ADAMTS9: variants seen among roughly 807,000 people sequenced by gnomAD.
The protein encoded by ADAMTS9 is A disintegrin and metalloproteinase with thrombospondin motifs 9.
ADAMTS9 carries 107 observed loss-of-function variants against 257.1 expected under a neutral mutation model. The observed-to-expected ratio is 0.42, with a 90% CI of 0.36 to 0.49. The LOEUF (loss-of-function observed/expected upper bound fraction) is 0.49, where lower values mean the gene tolerates loss of function less well. ADAMTS9 is among the 20% of genes least tolerant of loss of function. ADAMTS9 has a pLI of 0.03. For missense variants in ADAMTS9, 2,353 were observed against 2,469.1 expected, an observed-to-expected ratio of 0.95 and a Z score of 1.00; for synonymous variants, 982 against 880.9, an observed-to-expected ratio of 1.11 and a Z score of -2.03.
chr3:64,666,693 C>T (rs1701360504), intron 3 of ADAMTS9, among the ~76,000 whole-genome samples: 1 of 152,196 alleles, frequency 6.6e-6, no homozygotes, highest in South Asian at 2.1e-4. Flanking sequence ...AGAGATAATA[C>T]ATAAAATGCC....
intron 28 of ADAMTS9, among the ~76,000 whole-genome samples, chr3:64,580,617 C>T (rs1181462981): frequency 1.3e-5 from 2 of 152,110 alleles, no homozygotes; most frequent in Non-Finnish European, 2.9e-5. Context: ...AAGCTCTGGC[C>T]TGAGGTTGCT....
intron 37 of ADAMTS9, among the ~76,000 whole-genome samples, chr3:64,535,552 C>CTTTTTTTTTT (rs57945713): frequency 1.2e-4 from 10 of 84,646 alleles, no homozygotes; most frequent in South Asian, 4.5e-4. Context: ...CTTTTCTTTT[C>CTTTTTTTTTT]TTTTTTTTTT....
chr3:64,542,258 G>C (rs1366843746), intron 32 of ADAMTS9, among the ~76,000 whole-genome samples: 2 of 151,680 alleles, frequency 1.3e-5, no homozygotes, highest in Non-Finnish European at 2.9e-5. Flanking sequence ...TTTCATTTAA[G>C]CCTCACAGTA....
intron 12 of ADAMTS9, among the ~76,000 whole-genome samples, chr3:64,634,424 GT>G (rs1700443482): frequency 6.6e-6 from 1 of 151,932 alleles, no homozygotes; most frequent in Non-Finnish European, 1.5e-5. Flanking sequence ...TTGCTTTTTT[GT>G]TTCACAAATA....
In ADAMTS9 at chr3:64,522,264, C is replaced by T. The variant is rs1267977212; in HGVS notation, c.5719-4G>A. On this transcript the variant is annotated splice_region_variant and splice_polypyrimidine_tract_variant and intron_variant, in intron 38 of 39. Transcript: ENST00000498707. ...TCCCTACGACTCGGGTACCATCCTG[C>T]AAGGAGATGCATCATGTTAGCCTGC... 6.2e-7 allele frequency: 1 copy of T among 1,613,464 alleles called. No individual in the cohort carries two copies. Among genetic ancestry groups the T allele is most frequent in the African/African-American group, 1.3e-5 (1 of 74,906 alleles).
chr3:64,650,452 G>A (rs9851598), intron 9 of ADAMTS9: 45,061 of 152,772 alleles, frequency 0.29, 6,744 homozygotes, highest in Admixed American at 0.31. Context: ...GGATCTTTGA[G>A]CAGCCTAGCA....
intron 38 of ADAMTS9, among the ~76,000 whole-genome samples, chr3:64,525,755 T>C (rs2082901985): frequency 6.6e-6 from 1 of 151,652 alleles, no homozygotes; most frequent in Admixed American, 6.6e-5. Flanking sequence ...GGACCACAGG[T>C]GTGCACTACC....
chr3:64,528,453 C>A (rs959872857), intron 38 of ADAMTS9, among the ~76,000 whole-genome samples: 3 of 152,152 alleles, frequency 2.0e-5, no homozygotes, highest in African/African-American at 7.2e-5. Context: ...ATGCAGATAT[C>A]TAAGCAGAGT....
At chr3:64,583,845 C>T (rs1268076758) in intron 28 of ADAMTS9, 7 of 152,116 alleles carry the variant, frequency 4.6e-5, no homozygotes, top group Admixed American at 2.6e-4. Context: ...TCAGGGGCTC[C>T]AGCTAAAAGG....
intron 16 of ADAMTS9, among the ~76,000 whole-genome samples, chr3:64,628,627 G>A (rs1388344635): frequency 6.6e-6 from 1 of 152,134 alleles, no homozygotes; most frequent in East Asian, 1.9e-4. Flanking sequence ...TTTGTTAATT[G>A]TCTTATAAAG....
intron 38 of ADAMTS9, among the ~76,000 whole-genome samples, chr3:64,529,982 ATTTTT>A (rs200385291): frequency 0.039 from 4,174 of 106,488 alleles, 85 homozygotes; most frequent in African/African-American, 0.077. Context: ...CAGTTATTTA[ATTTTT>A]TTTTTTTTTT....
intron 38 of ADAMTS9, among the ~76,000 whole-genome samples, chr3:64,529,694 G>C (rs897707955): frequency 2.0e-5 from 3 of 152,188 alleles, no homozygotes; most frequent in African/African-American, 7.2e-5. Flanking sequence ...AGAAGTTTTT[G>C]TGCTTGGCTT....
Position 64,654,559 on chromosome 3 carries a change from A to G in ADAMTS9, c.1210+13T>C. The G allele has an allele frequency of 6.2e-7, 1 of 1,614,092 alleles. No individual in the cohort carries two copies. The highest frequency in any genetic ancestry group is 1.1e-5 in the South Asian group (1 of 91,080). ...ACGGTTTTAGCCATAGAAGATACGC[A>G]CAGAGAACTCACCTAAGGTATCACA... is the stretch of plus-strand genomic sequence containing the variant. On this transcript the variant is annotated intron_variant, in intron 7 of 39. Coordinates refer to ENST00000498707, the MANE Select transcript of ADAMTS9 (RefSeq NM_182920.2).
intron 33 of ADAMTS9, 40 bp downstream of exon 33, chr3:64,541,796 TTC>T: frequency 6.2e-7 from 1 of 1,611,706 alleles, no homozygotes; most frequent in Non-Finnish European, 8.5e-7. Context: ...AGACATCCTG[TTC>T]TTCATGCTAA....
intron 3 of ADAMTS9, among the ~76,000 whole-genome samples, chr3:64,667,548 G>A (rs893272185): frequency 6.6e-6 from 1 of 152,156 alleles, no homozygotes; most frequent in Non-Finnish European, 1.5e-5. Flanking sequence ...GCAGTGGAAG[G>A]TGTCTGAGGG....
chr3:64,584,206 A>G (rs1452231380), intron 28 of ADAMTS9: 3 of 152,156 alleles, frequency 2.0e-5, no homozygotes, highest in Admixed American at 6.5e-5. Flanking sequence ...TGGACTGGAT[A>G]GCAGTCGATT....
chr3:64,537,548 C>T (rs1259679289), intron 37 of ADAMTS9, among the ~76,000 whole-genome samples: 2 of 152,058 alleles, frequency 1.3e-5, no homozygotes, highest in East Asian at 3.9e-4. Flanking sequence ...TTCTCTAAAA[C>T]GTTTAGCAAT....
In ADAMTS9 at chr3:64,672,278, C is replaced by T. The variant is rs1382109583; in HGVS notation, c.679+8923G>A. 5.3e-5 allele frequency among the ~76,000 whole-genome samples: 8 copies of T among 152,306 alleles called. No homozygotes were observed. In the East Asian group the frequency reaches 1.5e-3, roughly 29 times the overall value. On this transcript the variant is annotated intron_variant, in intron 3 of 39. Coordinates refer to ENST00000498707, the MANE Select transcript of ADAMTS9 (RefSeq NM_182920.2). ...GGAATGGGTTTCTGAAGCAAAGTGT[C>T]AGGAATCCCTAAAATATGATTAGCA...
At chr3:64,658,898 A>G in intron 3 of ADAMTS9, 107 bp from the exon 4 acceptor site, 1 of 1,241,146 alleles carries the variant, frequency 8.1e-7, no homozygotes, top group South Asian at 1.5e-5. Flanking sequence ...CAAACTACAT[A>G]CAAAAACAAG....
Sources: gnomAD v4.1 joint callset for allele counts (sites outside exome capture counted in the v4.1 genomes callset) on GRCh38, gnomAD v4.1.1 for gene constraint, MANE v1.5 for transcripts, NCBI Gene and HGNC (gene_info 2026-07-23, HGNC 2026-07-21) for gene names.